Variants in GTPBP10 observed in about 807,000 individuals in gnomAD.
The protein encoded by GTPBP10 is GTP binding protein 10, also known as GTP-binding protein 10.
GTPBP10 carries 38 observed loss-of-function variants against 44.8 expected under a neutral mutation model. That is an observed-to-expected ratio of 0.85 (90% CI 0.65 to 1.11). GTPBP10 has a LOEUF of 1.11. GTPBP10 is among the 50% of genes most tolerant of loss of function. The pLI is 0.00. For synonymous variants in GTPBP10, 152 were observed against 150.6 expected (o/e 1.01, Z -0.07); for missense variants, 462 against 453.7 (o/e 1.02, Z -0.17).
In GTPBP10 at chr7:90,389,328, G is replaced by A. The variant is rs1562963590; in HGVS notation, c.*4174G>A. Reference sequence around the variant, plus strand: ...CTGCTAGCGATGTCATTTTTTTAAAGTTGGATGGTGAATACATGAGTTGTT... The same window carrying A: ...CTGCTAGCGATGTCATTTTTTTAAAATTGGATGGTGAATACATGAGTTGTT... On this transcript the variant is annotated 3_prime_UTR_variant, in exon 10 of 10. Coordinates refer to ENST00000222511, the MANE Select transcript of GTPBP10 (RefSeq NM_033107.4). 1.3e-5 allele frequency: 2 copies of A among 152,244 alleles called. No individual in the cohort carries two copies. Among genetic ancestry groups the A allele is most frequent in the Non-Finnish European group, 1.5e-5 (1 of 68,024 alleles). 9.4% of individuals were successfully genotyped at this position (152,244 alleles called of 1,614,324 possible).
chr7:90,352,886 T>C lies in GTPBP10; in HGVS notation c.104T>C (p.Leu35Ser), dbSNP rs1795820080. 1 of 1,613,866 alleles carries C rather than the reference T, an allele frequency of 6.2e-7. No individual in the cohort carries two copies. The highest frequency in any genetic ancestry group is 1.7e-5 in the Admixed American group (1 of 59,980). Reference protein sequence around the residue: ...GGSGGMGYPRLGGEGGKGGDV... With the variant: ...GGSGGMGYPRSGGEGGKGGDV... Reference sequence around the variant, plus strand: ...TCCGGTGGAATGGGTTATCCTCGTTTAGGTGGAGAAGGTGGAAAAGGTGGT... The same window carrying C: ...TCCGGTGGAATGGGTTATCCTCGTTCAGGTGGAGAAGGTGGAAAAGGTGGT... Residue 35 changes from leucine to serine, a missense_variant, in exon 2 of 10, where the codon TTA becomes TCA. Leu to Ser is a moderately radical substitution (Grantham distance 145). Coordinates refer to ENST00000222511, the MANE Select transcript of GTPBP10 (RefSeq NM_033107.4).
At chr7:90,376,432 C>G (rs1268828349) in intron 6 of GTPBP10, among the ~76,000 whole-genome samples, 2 of 152,062 alleles carry the variant, frequency 1.3e-5, no homozygotes, top group African/African-American at 4.8e-5. Flanking sequence ...GCTGTTTCAC[C>G]TGACTGATCT....
intron 9 of GTPBP10, chr7:90,383,811 A>G (rs891156597): frequency 1.3e-5 from 2 of 152,176 alleles, no homozygotes; most frequent in Admixed American, 1.3e-4. Context: ...ATGTTTTTCA[A>G]TATGTCTCTG....
intron 7 of GTPBP10, 43 bp from the exon 8 acceptor site, chr7:90,378,091 C>T (rs1417649392): frequency 1.9e-6 from 3 of 1,562,904 alleles, no homozygotes; most frequent in Admixed American, 3.5e-5. Context: ...TATAGCTATT[C>T]TTCGTATGTT....
intron 4 of GTPBP10, among the ~76,000 whole-genome samples, chr7:90,370,577 A>G (rs78135007): frequency 2.6e-5 from 4 of 151,938 alleles, no homozygotes; most frequent in Non-Finnish European, 5.9e-5. Context: ...ATGAAAAACT[A>G]TCTGTTGGGT....
At position 90,346,735 on chromosome 7, in the gene GTPBP10, T is replaced by C; in HGVS notation, c.-7T>C. ...TCCGCAAGAAGGTTTCCTGGCCTGTTGCAGCCATGGTGCATTGCAGTTGCG... is the reference window on the plus strand; with the variant it reads ...TCCGCAAGAAGGTTTCCTGGCCTGTCGCAGCCATGGTGCATTGCAGTTGCG... On this transcript the variant is annotated 5_prime_UTR_variant, in exon 1 of 10. Coordinates refer to ENST00000222511, the MANE Select transcript of GTPBP10 (RefSeq NM_033107.4). The C allele has an allele frequency of 1.2e-6, 2 of 1,614,264 alleles. No homozygotes were observed. The highest frequency in any genetic ancestry group is 8.5e-7 in the Non-Finnish European group (1 of 1,180,036).
rs1403948750 is a variant in GTPBP10, at chr7:90,385,029, G to A, written c.1039G>A (p.Ala347Thr). Residue 347 changes from alanine (A) to threonine (T), a missense_variant, in exon 10 of 10, where the codon GCC (alanine) becomes ACC (threonine). Coordinates refer to ENST00000222511, the MANE Select transcript of GTPBP10 (RefSeq NM_033107.4). ...TATAAGAAAGTCACTGGATGAACAG[G>A]CCAACCAGGAAAATGATGCACTTCA... The part of the protein sequence containing the change: ...NCIRKSLDEQ[A>T]NQENDALHKK... The A allele has an allele frequency of 6.2e-7, 1 of 1,613,930 alleles. No individual in the cohort carries two copies. The highest frequency in any genetic ancestry group is 2.2e-5 in the East Asian group (1 of 44,836).
At chr7:90,370,335 AGTGTGTGTGTGT>A (rs33997739) in intron 4 of GTPBP10, among the ~76,000 whole-genome samples, 1 of 149,222 alleles carries the variant, frequency 6.7e-6, no homozygotes, top group Non-Finnish European at 1.5e-5. Flanking sequence ...AAGAAAATTG[AGTGTGTGTGTGT>A]GTGTGTGTGT....
chr7:90,359,349 T>A (rs1412442177), intron 4 of GTPBP10, among the ~76,000 whole-genome samples: 1 of 151,766 alleles, frequency 6.6e-6, no homozygotes, highest in Non-Finnish European at 1.5e-5. Context: ...TGTGTCCATG[T>A]GTTCCTTGTT....
intron 1 of GTPBP10, among the ~76,000 whole-genome samples, chr7:90,350,214 C>T (rs1795763369): frequency 6.6e-6 from 1 of 152,168 alleles, no homozygotes; most frequent in African/African-American, 2.4e-5. Context: ...ATGATGGTTT[C>T]CAGCTGCATC....
At chr7:90,356,698 G>A (rs1040691610) in intron 4 of GTPBP10, among the ~76,000 whole-genome samples, 1 of 151,292 alleles carries the variant, frequency 6.6e-6, no homozygotes, top group Non-Finnish European at 1.5e-5. Context: ...CACGTCATTT[G>A]TTTTCTCATC....
chr7:90,349,904 G>A (rs534341817), intron 1 of GTPBP10, among the ~76,000 whole-genome samples: 187 of 151,890 alleles, frequency 1.2e-3, no homozygotes, highest in African/African-American at 4.0e-3. Context: ...TAAAGCCAAA[G>A]CCAAACCTAT....
At position 90,346,749 on chromosome 7, in the gene GTPBP10, A is replaced by G. The variant is rs137995301; in HGVS notation, c.8A>G (p.His3Arg). 72 of 1,614,218 alleles carry G rather than the reference A, an allele frequency of 4.5e-5. No homozygotes were observed. The highest frequency in any genetic ancestry group is 1.8e-4 in the Admixed American group (11 of 60,024). The change falls in exon 1 of 10, where the codon CAT becomes CGT. Residue 3 changes from histidine to arginine, a missense_variant. His to Arg is a conservative substitution (Grantham distance 29). Coordinates refer to ENST00000222511, the MANE Select transcript of GTPBP10 (RefSeq NM_033107.4). MV[H>R]CSCVLFRKYG... is the part of the protein sequence containing the mutation. ...TCCTGGCCTGTTGCAGCCATGGTGC[A>G]TTGCAGTTGCGTGTTGTTCAGAAAG...
Position 90,390,429 on chromosome 7 carries a change from T to G in GTPBP10, c.*5275T>G, listed in dbSNP as rs1043955936. ...ATTTTTTTTAAATGTTCTTAATAGTTGTTGGGTACCTGGGAGATTTCAGAG... is the reference window on the plus strand; with the variant it reads ...ATTTTTTTTAAATGTTCTTAATAGTGGTTGGGTACCTGGGAGATTTCAGAG... On this transcript the variant is annotated 3_prime_UTR_variant, in exon 10 of 10. Coordinates refer to ENST00000222511, the MANE Select transcript of GTPBP10 (RefSeq NM_033107.4). The G allele has an allele frequency of 1.3e-5, 2 of 152,192 alleles. No individual in the cohort carries two copies. The highest frequency in any genetic ancestry group is 4.8e-5 in the African/African-American group (2 of 41,456). The allele number at this position is 152,192 out of a possible 1,614,324, so 9.4% of individuals were successfully genotyped here.
intron 4 of GTPBP10, among the ~76,000 whole-genome samples, chr7:90,362,437 G>C (rs1584634246): frequency 6.6e-6 from 1 of 152,192 alleles, no homozygotes; most frequent in East Asian, 1.9e-4. Context: ...ATGTAGTTGA[G>C]TGATTTTGAG....
intron 8 of GTPBP10, among the ~76,000 whole-genome samples, chr7:90,381,640 G>C (rs141104767): frequency 1.2e-4 from 19 of 152,282 alleles, no homozygotes; most frequent in African/African-American, 4.6e-4. Context: ...AAAGCTGGAA[G>C]CTTCACACTA....
At chr7:90,360,982 A>G (rs557519577) in intron 4 of GTPBP10, among the ~76,000 whole-genome samples, 4 of 152,290 alleles carry the variant, frequency 2.6e-5, no homozygotes, top group African/African-American at 7.2e-5. Context: ...TTGGACATTG[A>G]TTTTGTATCC....
intron 4 of GTPBP10, among the ~76,000 whole-genome samples, chr7:90,357,851 T>TCA (rs1412665210): frequency 6.6e-6 from 1 of 152,138 alleles, no homozygotes; most frequent in African/African-American, 2.4e-5. Context: ...GCCTTTAAAA[T>TCA]GAGCATGTAT....
At chr7:90,357,600 A>G (rs1027376412) in intron 4 of GTPBP10, among the ~76,000 whole-genome samples, 11 of 152,156 alleles carry the variant, frequency 7.2e-5, no homozygotes, top group African/African-American at 2.4e-4. Context: ...AGTTTGGCAG[A>G]GTTTTTGAAG....
Sources: gnomAD v4.1 joint callset for allele counts (sites outside exome capture counted in the v4.1 genomes callset) on GRCh38, gnomAD v4.1.1 for gene constraint, MANE v1.5 for transcripts, NCBI Gene and HGNC (gene_info 2026-07-23, HGNC 2026-07-21) for gene names.